Variants in NEGR1 observed in about 807,000 individuals in gnomAD.
NEGR1 encodes the protein neuronal growth regulator 1, also known as IgLON family member 4.
NEGR1 carries 10 observed loss-of-function variants against 40.9 expected under a neutral mutation model. The observed-to-expected ratio is 0.24, with a 90% confidence interval of 0.15 to 0.42. The LOEUF is 0.42. NEGR1 is among the 10% of genes least tolerant of loss of function. NEGR1 has a pLI of 1.00. For missense variants in NEGR1, 352 were observed against 438.9 expected (o/e 0.80, Z 1.77); for synonymous variants, 185 against 166.8 (o/e 1.11, Z -0.84).
intron 2 of NEGR1, among the ~76,000 whole-genome samples, chr1:71,808,614 G>C (rs1283917030): frequency 2.0e-5 from 3 of 152,014 alleles, no homozygotes; most frequent in Non-Finnish European, 2.9e-5. Flanking sequence ...ATAAACAAAA[G>C]AATGTACTTC....
intron 4 of NEGR1, among the ~76,000 whole-genome samples, chr1:71,614,005 A>G (rs1465334065): frequency 6.6e-6 from 1 of 152,084 alleles, no homozygotes; most frequent in Non-Finnish European, 1.5e-5. Context: ...AACTAAAAAA[A>G]TACCCTAGGA....
intron 1 of NEGR1, among the ~76,000 whole-genome samples, chr1:72,192,736 A>C (rs72941244): frequency 0.028 from 4,206 of 151,894 alleles, 159 homozygotes; most frequent in African/African-American, 0.094. Context: ...GGCTTCTTCT[A>C]GATGTTATTT....
chr1:72,197,801 A>T (rs1285655774), intron 1 of NEGR1, among the ~76,000 whole-genome samples: 1 of 152,114 alleles, frequency 6.6e-6, no homozygotes, highest in Non-Finnish European at 1.5e-5. Flanking sequence ...AAATGGAGCA[A>T]GCCACTTCTA....
intron 1 of NEGR1, among the ~76,000 whole-genome samples, chr1:72,043,003 C>T (rs538517521): frequency 1.3e-5 from 2 of 151,942 alleles, no homozygotes; most frequent in Non-Finnish European, 2.9e-5. Context: ...CATTAATCTG[C>T]ATGCATTGCA....
intron 1 of NEGR1, among the ~76,000 whole-genome samples, chr1:72,281,716 A>AG (rs2100573105): frequency 6.6e-6 from 1 of 152,186 alleles, no homozygotes; most frequent in East Asian, 1.9e-4. Flanking sequence ...TTTAAAAAGG[A>AG]GGGAAAAAAC....
At chr1:72,092,135 C>T (rs1648523585) in intron 1 of NEGR1, among the ~76,000 whole-genome samples, 1 of 152,016 alleles carries the variant, frequency 6.6e-6, no homozygotes, top group African/African-American at 2.4e-5. Context: ...GGTGGGTTCT[C>T]TGTTTTGCAT....
Position 72,022,336 on chromosome 1 carries a change from A to C in NEGR1, c.177-87025T>G, listed in dbSNP as rs372254997. 2.3e-4 allele frequency among the ~76,000 whole-genome samples: 34 copies of C among 146,954 alleles called. No individual in the cohort carries two copies. The East Asian group carries it at 3.4e-3, about 15-fold the overall frequency. Reference sequence around the variant, plus strand: ...CCTAAAGCAAACAATCCAGAAGTTTATAAAGAGAATAATACCATTTAAACA... The same window carrying C: ...CCTAAAGCAAACAATCCAGAAGTTTCTAAAGAGAATAATACCATTTAAACA... On this transcript the variant is annotated intron_variant, in intron 1 of 6. Coordinates refer to ENST00000357731, the MANE Select transcript of NEGR1 (RefSeq NM_173808.3).
chr1:71,622,649 T>A (rs1473587856), intron 4 of NEGR1, among the ~76,000 whole-genome samples: 1 of 151,912 alleles, frequency 6.6e-6, no homozygotes, highest in East Asian at 1.9e-4. Context: ...CATCAAAGAC[T>A]CACATTGATC....
At position 71,932,211 on chromosome 1, in the gene NEGR1, A is replaced by G. The variant is rs191651063; in HGVS notation, c.409+2868T>C. ...TGGTGTTCAATAAAAGTTATAAAAT[A>G]TTTTTCTTTTTTAACTTAAATATTT... On this transcript the variant is annotated intron_variant, in intron 2 of 6. Transcript: ENST00000357731. Among the ~76,000 whole-genome samples the G allele has an allele frequency of 3.0e-3, 451 of 152,120 alleles. 2 individuals are homozygous for G. The highest frequency in any genetic ancestry group is 0.01 in the African/African-American group (428 of 41,538).
intron 1 of NEGR1, among the ~76,000 whole-genome samples, chr1:72,090,323 A>G (rs1417782695): frequency 1.3e-5 from 2 of 151,450 alleles, no homozygotes; most frequent in African/African-American, 4.9e-5. Flanking sequence ...AAAAATATCT[A>G]AAATTTTCCA....
chr1:71,941,640 C>T (rs1645960553), intron 1 of NEGR1, among the ~76,000 whole-genome samples: 1 of 152,002 alleles, frequency 6.6e-6, no homozygotes, highest in South Asian at 2.1e-4. Flanking sequence ...AGTCCTCATC[C>T]TTAGAGATGA....
chr1:71,420,467 CT>C (rs1230777051), intron 6 of NEGR1, among the ~76,000 whole-genome samples: 1 of 151,812 alleles, frequency 6.6e-6, no homozygotes, highest in East Asian at 1.9e-4. Context: ...TAATTCTTAG[CT>C]TTTAGGACTA....
At chr1:72,103,617 T>C (rs550336386) in intron 1 of NEGR1, among the ~76,000 whole-genome samples, 1 of 152,252 alleles carries the variant, frequency 6.6e-6, no homozygotes, top group Admixed American at 6.6e-5. Flanking sequence ...TAATTTTGTG[T>C]TAAGCTACGT....
chr1:71,930,134 C>G (rs973829265), intron 2 of NEGR1, among the ~76,000 whole-genome samples: 1 of 151,872 alleles, frequency 6.6e-6, no homozygotes, highest in African/African-American at 2.4e-5. Context: ...GGAATGGCAT[C>G]TTATTGAATT....
chr1:71,486,580 T>C (rs1269119613), intron 6 of NEGR1: 1 of 151,544 alleles, frequency 6.6e-6, no homozygotes, highest in Admixed American at 6.6e-5. Context: ...AAAGTAGATC[T>C]TACCCTTTTT....
rs182939494 is a variant in NEGR1, at chr1:72,275,930, C to A, written c.176+6389G>T. ...TGGGCAACACAGTAAGACACCATCT[C>A]TAAAAATAAAAATAAATTAGCCAGG... On this transcript the variant is annotated intron_variant, in intron 1 of 6. Transcript: ENST00000357731. Among the ~76,000 whole-genome samples the A allele has an allele frequency of 6.8e-4, 104 of 152,020 alleles. 1 individual carries two copies. The East Asian group carries it at 0.016, about 24-fold the overall frequency.
chr1:71,707,685 C>T (rs1341785072), intron 3 of NEGR1, among the ~76,000 whole-genome samples: 1 of 152,008 alleles, frequency 6.6e-6, no homozygotes, highest in African/African-American at 2.4e-5. Context: ...TTACAGCAGG[C>T]CTGGGGAGAA....
rs12089878 is a variant in NEGR1 at position 71,628,215 on chromosome 1, T to C, written c.668-17069A>G. Among the ~76,000 whole-genome samples, 858 of 152,192 alleles carry C rather than the reference T, an allele frequency of 5.6e-3. 9 individuals are homozygous for C. Among genetic ancestry groups the C allele is most frequent in the African/African-American group, 0.019 (800 of 41,570 alleles). On this transcript the variant is annotated intron_variant, in intron 4 of 6. Transcript: ENST00000357731. ...GGATAGATTAAAATGGTTCCTGCCT[T>C]AGAGAAGCTCAAGATTTTAGTGGAA...
At chr1:72,076,511 AC>A (rs1263241911) in intron 1 of NEGR1, among the ~76,000 whole-genome samples, 3 of 61,796 alleles carry the variant, frequency 4.9e-5, no homozygotes, top group African/African-American at 1.2e-4. Flanking sequence ...CCCCATCCCC[AC>A]CCCCCCTGCC....
Sources: allele counts gnomAD v4.1 joint callset (sites outside exome capture counted in the v4.1 genomes callset), GRCh38; gene constraint gnomAD v4.1.1; transcripts MANE v1.5; gene names NCBI Gene and HGNC (gene_info 2026-07-23, HGNC 2026-07-21).